Variants in MMRN1 observed in about 807,000 individuals in gnomAD.
The protein encoded by MMRN1 is multimerin 1.
In MMRN1, 94 loss-of-function variants were observed where a neutral mutation model predicts 100.7. The ratio of observed to expected loss-of-function variants is 0.93; its 90% CI spans 0.79 to 1.11. MMRN1 has a LOEUF of 1.11. MMRN1 is among the 50% of genes least tolerant of loss of function. The pLI is 0.00. For missense variants in MMRN1, 1,606 were observed against 1,439.1 expected, an observed-to-expected ratio of 1.12 and a Z score of -1.88; for synonymous variants, 575 against 505.0, an observed-to-expected ratio of 1.14 and a Z score of -1.86.
At chr4:89,928,906 G>A (rs1722348389) in intron 5 of MMRN1, among the ~76,000 whole-genome samples, 1 of 152,146 alleles carries the variant, frequency 6.6e-6, no homozygotes, top group African/African-American at 2.4e-5. Flanking sequence ...CACCTTGGGG[G>A]AAAGGGGTGT....
In MMRN1 at chr4:89,909,377, G is replaced by T. The variant is rs1206459441; in HGVS notation, c.725G>T (p.Gly242Val). The change falls in exon 2 of 8, where the codon GGT (glycine) becomes GTT (valine). Residue 242 changes from glycine to valine, a missense_variant. Transcript: ENST00000264790. ...PGGKGPCGWT[G>V]GSCPQRSQKI... ...GGGAAAGGACCTTGTGGCTGGACCG[G>T]TGGATCCTGTCCTCAGAGGTATGTA... The T allele has an allele frequency of 6.2e-7, 1 of 1,609,650 alleles. No homozygotes were observed. The highest frequency in any genetic ancestry group is 1.1e-5 in the South Asian group (1 of 90,946).
intron 1 of MMRN1, among the ~76,000 whole-genome samples, chr4:89,905,027 T>G (rs1721520930): frequency 6.6e-6 from 1 of 151,660 alleles, no homozygotes; most frequent in Non-Finnish European, 1.5e-5. Context: ...GGGGGAATTA[T>G]CCACATATGT....
At chr4:89,942,396 G>A (rs1205578811) in intron 6 of MMRN1, among the ~76,000 whole-genome samples, 6 of 152,092 alleles carry the variant, frequency 3.9e-5, no homozygotes, top group Non-Finnish European at 8.8e-5. Flanking sequence ...GAAAAGGAAG[G>A]TGGCAGGATT....
At chr4:89,886,057 T>A (rs1720929444) in intron 1 of MMRN1, among the ~76,000 whole-genome samples, 1 of 151,120 alleles carries the variant, frequency 6.6e-6, no homozygotes, top group Non-Finnish European at 1.5e-5. Context: ...TTTTTTTTTT[T>A]TTTTTTGTAT....
At chr4:89,912,130 T>A in intron 3 of MMRN1, 80 bp downstream of exon 3, 2 of 1,011,016 alleles carry the variant, frequency 2.0e-6, no homozygotes, top group South Asian at 3.7e-5. Context: ...ATTTCCCCTT[T>A]TGAACCAAGG....
intron 6 of MMRN1, among the ~76,000 whole-genome samples, chr4:89,945,718 C>A (rs1722966678): frequency 6.6e-6 from 1 of 152,010 alleles, no homozygotes; most frequent in African/African-American, 2.4e-5. Flanking sequence ...CTTAAGATAA[C>A]AAAATAATAG....
chr4:89,930,312 A>G (rs1371957158), intron 5 of MMRN1, among the ~76,000 whole-genome samples: 1 of 152,170 alleles, frequency 6.6e-6, no homozygotes, highest in Non-Finnish European at 1.5e-5. Flanking sequence ...CACTTTCTTC[A>G]AAGTATTTTT....
upstream of MMRN1, among the ~76,000 whole-genome samples, chr4:89,891,642 A>G (rs575123901): frequency 2.0e-5 from 3 of 152,166 alleles, no homozygotes; most frequent in East Asian, 5.8e-4. Context: ...CTGTATGTTG[A>G]TAACCCCCTT....
At chr4:89,894,447 T>C (rs902962459), upstream of MMRN1, among the ~76,000 whole-genome samples, 1 of 152,174 alleles carries the variant, frequency 6.6e-6, no homozygotes, top group African/African-American at 2.4e-5. Flanking sequence ...TGTATGCATG[T>C]GGATATACAC....
At chr4:89,901,438 A>G (rs569165315) in intron 1 of MMRN1, among the ~76,000 whole-genome samples, 1 of 152,202 alleles carries the variant, frequency 6.6e-6, no homozygotes, top group East Asian at 1.9e-4. Flanking sequence ...TTAGAAAATT[A>G]CAAAAATTAA....
chr4:89,901,865 C>A (rs933133873), intron 1 of MMRN1: 5 of 151,716 alleles, frequency 3.3e-5, no homozygotes, highest in Admixed American at 2.6e-4. Flanking sequence ...TTTTTGTATT[C>A]GCACAACTTC....
intron 6 of MMRN1, among the ~76,000 whole-genome samples, chr4:89,941,186 T>G (rs1722810482): frequency 6.6e-6 from 1 of 152,202 alleles, no homozygotes; most frequent in South Asian, 2.1e-4. Flanking sequence ...TTGAAAGCTA[T>G]CTGCTTCAAT....
Position 89,884,979 on chromosome 4 carries a change from T to A in MMRN1, c.-249+5377T>A, listed in dbSNP as rs542642015. 1.8e-3 allele frequency among the ~76,000 whole-genome samples: 275 copies of A among 152,268 alleles called. 2 individuals carry two copies. The South Asian group carries it at 0.022, about 12-fold the overall frequency. On this transcript the variant is annotated intron_variant, in intron 1 of 8. Coordinates refer to the MMRN1 transcript ENST00000394980. ...TGGGGAAAAAGCATTCAAAGTTTCA[T>A]AATTAATAAAGATGTTAGCTATAGA...
chr4:89,902,365 A>C (rs914718496), intron 1 of MMRN1, among the ~76,000 whole-genome samples: 3 of 151,562 alleles, frequency 2.0e-5, no homozygotes, highest in Non-Finnish European at 2.9e-5. Context: ...GAGAAAAAAA[A>C]CAAATTTATG....
intron 1 of MMRN1, among the ~76,000 whole-genome samples, chr4:89,899,872 T>C (rs1372554015): frequency 1.3e-5 from 2 of 151,940 alleles, no homozygotes; most frequent in African/African-American, 4.8e-5. Flanking sequence ...TTCTAATTGG[T>C]CCACTTCTTT....
chr4:89,884,158 T>C (rs2110568766), intron 1 of MMRN1, among the ~76,000 whole-genome samples: 1 of 152,258 alleles, frequency 6.6e-6, no homozygotes, highest in African/African-American at 2.4e-5. Flanking sequence ...CTATCCAATT[T>C]TTTTGGAAAA....
Position 89,931,895 on chromosome 4 carries a change from G to A in MMRN1, c.1130-2915G>A, listed in dbSNP as rs150600415. ...ATGCCAAACCATATTATTTCACCCC[G>A]GCCCCTTCCAAATCTCATGTCCTCA... On this transcript the variant is annotated intron_variant, in intron 5 of 7. Transcript: ENST00000264790. Among the ~76,000 whole-genome samples, 7 of 152,002 alleles carry A rather than the reference G, an allele frequency of 4.6e-5. No individual in the cohort carries two copies. In the East Asian group the frequency reaches 7.7e-4, roughly 17 times the overall value.
chr4:89,881,999 G>C (rs1720829950), intron 1 of MMRN1, among the ~76,000 whole-genome samples: 2 of 151,756 alleles, frequency 1.3e-5, no homozygotes, highest in African/African-American at 4.8e-5. Flanking sequence ...AGCAGCGGGG[G>C]TCTCTCTAAA....
At chr4:89,914,375 C>G (rs1272220763) in intron 3 of MMRN1, among the ~76,000 whole-genome samples, 3 of 151,404 alleles carry the variant, frequency 2.0e-5, no homozygotes, top group Non-Finnish European at 3.0e-5. Flanking sequence ...GCGATTCTCT[C>G]TTTATTCCAC....
Sources: allele counts gnomAD v4.1 joint callset (sites outside exome capture counted in the v4.1 genomes callset), GRCh38; gene constraint gnomAD v4.1.1; transcripts MANE v1.5; gene names NCBI Gene and HGNC (gene_info 2026-07-23, HGNC 2026-07-21).